PROKR2: variants seen among roughly 807,000 people sequenced by gnomAD.
The protein encoded by PROKR2 is G protein-coupled receptor 73-like 1.
Under a neutral mutation model 23.4 loss-of-function variants are expected in PROKR2, and 26 were observed. The ratio of observed to expected loss-of-function variants is 1.11; its 90% CI spans 0.81 to 1.54. The LOEUF is 1.54. Among genes scored for constraint, PROKR2 ranks in the 40% most tolerant of loss-of-function variants. The probability of loss-of-function intolerance (pLI) is 0.00; values close to 1 mark genes in which losing one functional copy is unlikely to be tolerated. For synonymous variants in PROKR2, 212 were observed against 201.2 expected (o/e 1.05, Z -0.45); for missense variants, 453 against 511.5 (o/e 0.89, Z 1.10).
In PROKR2 at chr20:5,301,929, G is replaced by T; in HGVS notation, c.*111C>A. Reference sequence around the variant, plus strand: ...GCAGCATTCAGCTTCTTGAGGGCACGGGGGAGGCATGAACACAGATGTCAT... The same window carrying T: ...GCAGCATTCAGCTTCTTGAGGGCACTGGGGAGGCATGAACACAGATGTCAT... On this transcript the variant is annotated 3_prime_UTR_variant, in exon 3 of 3. Transcript: ENST00000678254. 1.0e-6 allele frequency: 1 copy of T among 975,492 alleles called. No individual in the cohort carries two copies. Among genetic ancestry groups the T allele is most frequent in the South Asian group, 1.6e-5 (1 of 63,780 alleles). 60.4% of individuals were successfully genotyped at this position (975,492 alleles called of 1,614,324 possible). A position where few individuals can be genotyped will look rare whatever the true frequency, so the allele number is the denominator to read the frequency against.
Position 5,302,272 on chromosome 20 carries a change from T to G in PROKR2, c.923A>C (p.Glu308Ala). 6.2e-7 allele frequency: 1 copy of G among 1,614,234 alleles called. No homozygotes were observed. The highest frequency in any genetic ancestry group is 8.5e-7 in the Non-Finnish European group (1 of 1,180,042). Residue 308 changes from glutamate to alanine, a missense_variant, in exon 3 of 3, where the codon GAA (glutamate) becomes GCA (alanine). By Grantham distance (107) the Glu-to-Ala change is moderately radical. Coordinates refer to ENST00000678254, the MANE Select transcript of PROKR2 (RefSeq NM_144773.4). ...GTAGAAGGCAGTGAGGTAGTGCTTTTCCTTCACGAACACAGTGGGGAAGAA... is the reference window on the plus strand; with the variant it reads ...GTAGAAGGCAGTGAGGTAGTGCTTTGCCTTCACGAACACAGTGGGGAAGAA... ...RDFFPTVFVKEKHYLTAFYVV... is the reference protein window; with the variant it reads ...RDFFPTVFVKAKHYLTAFYVV...
At chr20:5,307,344 T>G (rs925103872) in intron 2 of PROKR2, among the ~76,000 whole-genome samples, 2 of 152,240 alleles carry the variant, frequency 1.3e-5, no homozygotes, top group African/African-American at 4.8e-5. Context: ...ACAATTATAC[T>G]TCTTGGGCAT....
intron 2 of PROKR2, among the ~76,000 whole-genome samples, chr20:5,310,448 G>A (rs952873382): frequency 2.0e-5 from 3 of 152,172 alleles, no homozygotes; most frequent in African/African-American, 7.2e-5. Context: ...ATCTAATTCT[G>A]GGATTGACTG....
At chr20:5,313,076 A>C (rs1979501291) in intron 2 of PROKR2, among the ~76,000 whole-genome samples, 1 of 152,236 alleles carries the variant, frequency 6.6e-6, no homozygotes, top group Admixed American at 6.5e-5. Context: ...ACCTTGGTTG[A>C]TCATTACACA....
Position 5,300,439 on chromosome 20 carries a change from TG to T in PROKR2, c.*1600del, listed in dbSNP as rs1978942587. ...TCCAAAGAACAGGGATGAAAAAGTG[TG>T]GGTATTTCTCTAATAAATCACAGTG... On this transcript the variant is annotated 3_prime_UTR_variant, in exon 3 of 3. Transcript: ENST00000678254. Among the ~76,000 whole-genome samples, 1 of 152,184 alleles carries T rather than the reference TG, an allele frequency of 6.6e-6. No individual in the cohort carries two copies. The highest frequency in any genetic ancestry group is 2.1e-4 in the South Asian group (1 of 4,832).
chr20:5,312,584 T>C (rs1306221535), intron 2 of PROKR2, among the ~76,000 whole-genome samples: 1 of 152,222 alleles, frequency 6.6e-6, no homozygotes, highest in Non-Finnish European at 1.5e-5. Flanking sequence ...GGATGCTTCC[T>C]ACACCCGTCT....
chr20:5,316,194 T>C lies in PROKR2; in HGVS notation c.-9+300A>G, dbSNP rs994081462. The C allele has an allele frequency of 4.4e-6, 2 of 456,496 alleles. No individual in the cohort carries two copies. Among genetic ancestry groups the C allele is most frequent in the Non-Finnish European group, 8.8e-6 (2 of 226,946 alleles). The allele number at this position is 456,496 out of a possible 1,614,324, so 28.3% of individuals were successfully genotyped here. On this transcript the variant is annotated intron_variant, in intron 1 of 2. Transcript: ENST00000678254. The surrounding 1 kb of genome is among the most constrained non-coding windows in gnomAD (Gnocchi z 5.0). ...CCTTTCAGGAAGGTGCCCCTCTACC[T>C]GCACCCTCCCCTGCAATTTGGAGCT... is the stretch of plus-strand genomic sequence containing the variant.
At chr20:5,303,860 C>T (rs1365932585) in intron 2 of PROKR2, among the ~76,000 whole-genome samples, 1 of 152,112 alleles carries the variant, frequency 6.6e-6, no homozygotes, top group African/African-American at 2.4e-5. Flanking sequence ...AAACAGGCCC[C>T]CCAAAACCTG....
chr20:5,302,691 T>C lies in PROKR2; in HGVS notation c.504A>G (p.Gln168=), dbSNP rs758614370. The part of the protein sequence containing the change: ...VHPLKPRMNY[Q]TASFLIALVW... ...CCAAGGCGATCAGGAAGGAGGCCGTTTGATAATTCATCCGTGGTTTCAAGG... is the reference window on the plus strand; with the variant it reads ...CCAAGGCGATCAGGAAGGAGGCCGTCTGATAATTCATCCGTGGTTTCAAGG... The change falls in exon 3 of 3, where the codon CAA becomes CAG. Residue 168 remains glutamine, a synonymous_variant. Transcript: ENST00000678254. 6 of 1,614,204 alleles carry C rather than the reference T, an allele frequency of 3.7e-6. No individual in the cohort carries two copies. In the East Asian group the frequency reaches 1.3e-4, roughly 36 times the overall value.
rs1250659570 is a variant in PROKR2, at chr20:5,312,917, G to A, written c.458+995C>T. On this transcript the variant is annotated intron_variant, in intron 2 of 2. Transcript: ENST00000678254. ...TTAAAATAGAGCAAGGGCTGGTGAC[G>A]AGGAATAAGTTCTAGTGTTCTACAG... Among the ~76,000 whole-genome samples the A allele has an allele frequency of 3.3e-5, 5 of 152,196 alleles. No individual in the cohort carries two copies. The South Asian group carries it at 6.2e-4, about 19-fold the overall frequency.
At position 5,302,345 on chromosome 20, in the gene PROKR2, A is replaced by T. The variant is rs1568569285; in HGVS notation, c.850T>A (p.Tyr284Asn). 6.2e-7 allele frequency: 1 copy of T among 1,614,242 alleles called. No individual in the cohort carries two copies. Among genetic ancestry groups the T allele is most frequent in the East Asian group, 2.2e-5 (1 of 44,892 alleles). The change falls in exon 3 of 3, where the codon TAT (tyrosine) becomes AAT (asparagine). Residue 284 changes from tyrosine to asparagine, a missense_variant. Tyr to Asn is a moderately radical substitution (Grantham distance 143). Coordinates refer to ENST00000678254, the MANE Select transcript of PROKR2 (RefSeq NM_144773.4). ...VLVLMCILTAYVLCWAPFYGF... is the reference protein window; with the variant it reads ...VLVLMCILTANVLCWAPFYGF... ...TAGAAGGGTGCCCAGCACAGCACAT[A>T]GGCCGTGAGAATGCACATGAGCACC...
chr20:5,300,763 T>C lies in PROKR2; in HGVS notation c.*1277A>G, dbSNP rs1978954515. On this transcript the variant is annotated 3_prime_UTR_variant, in exon 3 of 3. Coordinates refer to ENST00000678254, the MANE Select transcript of PROKR2 (RefSeq NM_144773.4). Reference sequence around the variant, plus strand: ...GTAAAAGAGGGAGTGTTCTAGAAAGTGGTCCAGTCCTTAGCAAAATGCCCA... The same window carrying C: ...GTAAAAGAGGGAGTGTTCTAGAAAGCGGTCCAGTCCTTAGCAAAATGCCCA... 6.6e-6 allele frequency among the ~76,000 whole-genome samples: 1 copy of C among 152,212 alleles called. No individual in the cohort carries two copies. Among genetic ancestry groups the C allele is most frequent in the Non-Finnish European group, 1.5e-5 (1 of 68,032 alleles).
At chr20:5,315,626 G>A in intron 1 of PROKR2, 1 of 348,072 alleles carries the variant, frequency 2.9e-6, no homozygotes, top group South Asian at 2.1e-5. Flanking sequence ...TCCTGCGAGG[G>A]GAGGAGAACG....
In PROKR2 at chr20:5,301,128, T is replaced by C. The variant is rs1163134781; in HGVS notation, c.*912A>G. Among the ~76,000 whole-genome samples, 1 of 152,204 alleles carries C rather than the reference T, an allele frequency of 6.6e-6. No homozygotes were observed. The highest frequency in any genetic ancestry group is 1.5e-5 in the Non-Finnish European group (1 of 68,030). On this transcript the variant is annotated 3_prime_UTR_variant, in exon 3 of 3. Transcript: ENST00000678254. Reference sequence around the variant, plus strand: ...TATGATGGCTGTAACACACCTCCCATGATGCTGTAAACCACGCACTGACAA... The same window carrying C: ...TATGATGGCTGTAACACACCTCCCACGATGCTGTAAACCACGCACTGACAA...
rs1221613863 is a variant in PROKR2, at chr20:5,300,414, T to A, written c.*1626A>T. Among the ~76,000 whole-genome samples the A allele has an allele frequency of 1.3e-5, 2 of 152,164 alleles. No homozygotes were observed. The highest frequency in any genetic ancestry group is 2.9e-5 in the Non-Finnish European group (2 of 68,032). ...CTGTGAAGTCTTCAGGAGTCTTTCATCCAAAGAACAGGGATGAAAAAGTGT... is the reference window on the plus strand; with the variant it reads ...CTGTGAAGTCTTCAGGAGTCTTTCAACCAAAGAACAGGGATGAAAAAGTGT... On this transcript the variant is annotated 3_prime_UTR_variant, in exon 3 of 3. Transcript: ENST00000678254.
chr20:5,306,147 A>G (rs6085077), intron 2 of PROKR2, among the ~76,000 whole-genome samples: 79,571 of 152,064 alleles, frequency 0.52, 20,852 homozygotes, highest in African/African-American at 0.57. Flanking sequence ...TAACAGATAA[A>G]CCAATTTGAA....
rs774846055 is a variant in PROKR2, at chr20:5,301,665, G to T, written c.*375C>A. On this transcript the variant is annotated 3_prime_UTR_variant, in exon 3 of 3. Coordinates refer to ENST00000678254, the MANE Select transcript of PROKR2 (RefSeq NM_144773.4). ...TTTGTTATGTTTTTTATATGTTTTT[G>T]ATTGTAATCAAATCAAGTGTTTTTT... is the stretch of plus-strand genomic sequence containing the variant. Among the ~76,000 whole-genome samples, 5 of 152,184 alleles carry T rather than the reference G, an allele frequency of 3.3e-5. No homozygotes were observed. The highest frequency in any genetic ancestry group is 4.8e-5 in the African/African-American group (2 of 41,444).
At chr20:5,312,305 C>T (rs1381270113) in intron 2 of PROKR2, among the ~76,000 whole-genome samples, 1 of 152,214 alleles carries the variant, frequency 6.6e-6, no homozygotes, top group Non-Finnish European at 1.5e-5. Context: ...AGGGGTTTCA[C>T]CATGCTGGCC....
At chr20:5,304,952 C>G (rs946759530) in intron 2 of PROKR2, among the ~76,000 whole-genome samples, 8 of 152,054 alleles carry the variant, frequency 5.3e-5, no homozygotes, top group Non-Finnish European at 8.8e-5. Context: ...CAGGCAGTGG[C>G]AGGACTGAGA....
Sources: gnomAD v4.1 joint callset for allele counts (sites outside exome capture counted in the v4.1 genomes callset) on GRCh38, gnomAD v4.1.1 for gene constraint, Gnocchi (gnomAD v3.1) non-coding constraint, MANE v1.5 for transcripts, NCBI Gene and HGNC (gene_info 2026-07-23, HGNC 2026-07-21) for gene names.